The following TM7SF3 variants were observed in gnomAD, a reference collection of about 807,000 sequenced individuals.
TM7SF3 encodes the protein seven span transmembrane protein.
Under a neutral mutation model 65.5 loss-of-function variants are expected in TM7SF3, and 60 were observed. The observed-to-expected ratio is 0.92, with a 90% confidence interval of 0.74 to 1.14. The LOEUF is 1.14. Among genes scored for constraint, TM7SF3 ranks in the 50% most tolerant of loss-of-function variants. The probability of loss-of-function intolerance (pLI) is 0.00; values close to 1 mark genes in which losing one functional copy is unlikely to be tolerated. For missense variants in TM7SF3, 623 were observed against 684.8 expected, an observed-to-expected ratio of 0.91 and a Z score of 1.01; for synonymous variants, 264 against 259.6, an observed-to-expected ratio of 1.02 and a Z score of -0.16.
At chr12:26,992,824 C>T (rs1253838324) in intron 5 of TM7SF3, among the ~76,000 whole-genome samples, 1 of 151,744 alleles carries the variant, frequency 6.6e-6, no homozygotes, top group Non-Finnish European at 1.5e-5. Flanking sequence ...GAATATTCTC[C>T]TATATAACAA....
At position 26,972,873 on chromosome 12, in the gene TM7SF3, G is replaced by A. The variant is rs1939418163; in HGVS notation, c.*1092C>T. 6.6e-6 allele frequency among the ~76,000 whole-genome samples: 1 copy of A among 150,562 alleles called. No individual in the cohort carries two copies. Among genetic ancestry groups the A allele is most frequent in the Non-Finnish European group, 1.5e-5 (1 of 67,726 alleles). On this transcript the variant is annotated 3_prime_UTR_variant, in exon 12 of 12. Coordinates refer to ENST00000343028, the MANE Select transcript of TM7SF3 (RefSeq NM_016551.3). ...GAAAAGGCCTTGAAAAAAAAAAGGG[G>A]GCCATTATTTGGAATATAAATCACC...
At chr12:27,007,335 C>A (rs1393369630) in intron 1 of TM7SF3, among the ~76,000 whole-genome samples, 1 of 152,148 alleles carries the variant, frequency 6.6e-6, no homozygotes, top group Non-Finnish European at 1.5e-5. Context: ...TTATGTAAAA[C>A]CTGGTCACTT....
At chr12:26,988,963 T>C (rs1940223440) in intron 6 of TM7SF3, among the ~76,000 whole-genome samples, 1 of 152,228 alleles carries the variant, frequency 6.6e-6, no homozygotes, top group African/African-American at 2.4e-5. Context: ...ATAGTAAATA[T>C]ACTTTCTCTT....
chr12:27,002,824 A>G (rs531317441), intron 2 of TM7SF3, among the ~76,000 whole-genome samples: 4 of 152,236 alleles, frequency 2.6e-5, no homozygotes, highest in Non-Finnish European at 5.9e-5. Flanking sequence ...AATAAAGTTG[A>G]TATTATAGGG....
chr12:26,973,169 A>C lies in TM7SF3; in HGVS notation c.*796T>G, dbSNP rs529513989. 1.6e-3 allele frequency: 159 copies of C among 100,816 alleles called. No homozygotes were observed. The highest frequency in any genetic ancestry group is 5.2e-3 in the African/African-American group (144 of 27,802). 6.2% of individuals were successfully genotyped at this position (100,816 alleles called of 1,614,324 possible). A position where few individuals can be genotyped will look rare whatever the true frequency, so the allele number is the denominator to read the frequency against. ...AGTAATCAGACTGCTTTTAGTAAGA[A>C]AATAAGTTTTTTTTTTTTTTAATTT... is the stretch of plus-strand genomic sequence containing the variant. On this transcript the variant is annotated 3_prime_UTR_variant, in exon 12 of 12. Coordinates refer to ENST00000343028, the MANE Select transcript of TM7SF3 (RefSeq NM_016551.3).
rs372452992 is a variant in TM7SF3, at chr12:26,974,148, C to T, written c.1530G>A (p.Pro510=). ...TLQIRRERGR[P]FFPPHPYKLW... is the part of the protein sequence containing the mutation. ...ACTTGTATGGGTGGGGAGGGAAGAA[C>T]GGTCGTCCTCTCTCTCTTCGAATCT... Residue 510 remains proline, a synonymous_variant, in exon 12 of 12, where the codon CCG becomes CCA. Coordinates refer to ENST00000343028, the MANE Select transcript of TM7SF3 (RefSeq NM_016551.3). 9.7e-5 allele frequency: 156 copies of T among 1,614,046 alleles called. No homozygotes were observed. Among genetic ancestry groups the T allele is most frequent in the South Asian group, 2.6e-4 (24 of 91,092 alleles).
intron 1 of TM7SF3, among the ~76,000 whole-genome samples, chr12:27,004,756 T>TA (rs1005704572): frequency 1.1e-4 from 16 of 152,194 alleles, no homozygotes; most frequent in African/African-American, 3.6e-4. Context: ...ATTCATAACT[T>TA]AATGTTTTTT....
At chr12:27,011,602 A>G (rs979319240) in intron 1 of TM7SF3, among the ~76,000 whole-genome samples, 4 of 152,226 alleles carry the variant, frequency 2.6e-5, no homozygotes, top group Non-Finnish European at 4.4e-5. Context: ...TTGTATGGTT[A>G]TCAGAATTAT....
At chr12:26,994,084 T>A (rs10431217) in intron 5 of TM7SF3, among the ~76,000 whole-genome samples, 101,397 of 152,062 alleles carry the variant, frequency 0.67, 34,545 homozygotes, top group East Asian at 1. Flanking sequence ...ACTAAAAGTT[T>A]AAAAGTAACC....
chr12:27,013,220 T>C (rs377151174), intron 1 of TM7SF3, among the ~76,000 whole-genome samples: 2 of 152,328 alleles, frequency 1.3e-5, no homozygotes, highest in Non-Finnish European at 1.5e-5. Flanking sequence ...GCTGCAATGA[T>C]TGGGAATTTT....
intron 10 of TM7SF3, chr12:26,975,924 T>G: frequency 3.7e-6 from 2 of 534,986 alleles, no homozygotes; most frequent in Non-Finnish European, 6.6e-6. Flanking sequence ...CAATAAAATC[T>G]AATTAGAGGA....
At chr12:27,009,186 C>T (rs889839409) in intron 1 of TM7SF3, among the ~76,000 whole-genome samples, 1 of 152,118 alleles carries the variant, frequency 6.6e-6, no homozygotes, top group African/African-American at 2.4e-5. Context: ...ACTCCTGCTC[C>T]AAATTTGTTC....
At chr12:26,992,929 A>G (rs796821333) in intron 5 of TM7SF3, among the ~76,000 whole-genome samples, 30 of 65,966 alleles carry the variant, frequency 4.5e-4, no homozygotes, top group African/African-American at 1.6e-3. Flanking sequence ...TTTTTTTTTG[A>G]GACAGGGTCT....
chr12:26,994,340 T>C (rs1940500988), intron 5 of TM7SF3, among the ~76,000 whole-genome samples: 2 of 152,168 alleles, frequency 1.3e-5, no homozygotes, highest in African/African-American at 4.8e-5. Flanking sequence ...TCCACAAAAA[T>C]GATCTATTGC....
Position 26,995,388 on chromosome 12 carries a change from C to T in TM7SF3, c.539G>A (p.Cys180Tyr). 6.2e-7 allele frequency: 1 copy of T among 1,614,214 alleles called. No individual in the cohort carries two copies. The highest frequency in any genetic ancestry group is 1.1e-5 in the South Asian group (1 of 91,084). The change falls in exon 5 of 12, where the codon TGT becomes TAT. Residue 180 changes from cysteine (C) to tyrosine (Y), a missense_variant. Coordinates refer to ENST00000343028, the MANE Select transcript of TM7SF3 (RefSeq NM_016551.3). ...GYARGVDPPP[C>Y]DAGTDQDSRW... ...GGAGTCCTGGTCTGTCCCAGCGTCA[C>T]ATGGTGGGGGATCTACGCCTCTAAA... is the stretch of plus-strand genomic sequence containing the variant.
At chr12:27,006,795 CA>C (rs1262850480) in intron 1 of TM7SF3, among the ~76,000 whole-genome samples, 2 of 152,188 alleles carry the variant, frequency 1.3e-5, no homozygotes, top group African/African-American at 4.8e-5. Flanking sequence ...CTAGCTTTAC[CA>C]TTTTAAAAGC....
intron 6 of TM7SF3, among the ~76,000 whole-genome samples, chr12:26,988,661 A>G (rs192414151): frequency 3.5e-5 from 5 of 143,532 alleles, no homozygotes; most frequent in Non-Finnish European, 7.5e-5. Flanking sequence ...CATATGGTTC[A>G]GAGAAGAAAA....
At chr12:26,980,938 G>C (rs1016968200) in intron 7 of TM7SF3, among the ~76,000 whole-genome samples, 1 of 152,124 alleles carries the variant, frequency 6.6e-6, no homozygotes, top group Non-Finnish European at 1.5e-5. Context: ...TCATTTCATA[G>C]CTCATTTTAA....
Position 26,976,290 on chromosome 12 carries a change from A to G in TM7SF3, c.1257T>C (p.Ile419=), listed in dbSNP as rs543142678. The change falls in exon 10 of 12, where the codon ATT becomes ATC. Residue 419 remains isoleucine (I), a synonymous_variant. Coordinates refer to ENST00000343028, the MANE Select transcript of TM7SF3 (RefSeq NM_016551.3). The part of the protein sequence containing the change: ...WVTFSCIAIL[I]PVVFMGCLRI... ...TTAGGCAGCCCATGAAAACTACTGGAATGAGGATAGCTATGCAAGAGAAAG... is the reference window on the plus strand; with the variant it reads ...TTAGGCAGCCCATGAAAACTACTGGGATGAGGATAGCTATGCAAGAGAAAG... The G allele has an allele frequency of 1.2e-6, 2 of 1,613,858 alleles. No homozygotes were observed. Among genetic ancestry groups the G allele is most frequent in the South Asian group, 1.1e-5 (1 of 91,080 alleles).
Sources: gnomAD v4.1 joint callset for allele counts (sites outside exome capture counted in the v4.1 genomes callset) on GRCh38, gnomAD v4.1.1 for gene constraint, MANE v1.5 for transcripts, NCBI Gene and HGNC (gene_info 2026-07-23, HGNC 2026-07-21) for gene names.